The following PCNX2 variants were observed in gnomAD, a reference collection of about 807,000 sequenced individuals.
PCNX2 encodes pecanex 2.
Under a neutral mutation model 223.8 loss-of-function variants are expected in PCNX2, and 168 were observed. The ratio of observed to expected loss-of-function variants is 0.75; its 90% CI spans 0.66 to 0.85. The LOEUF (loss-of-function observed/expected upper bound fraction) is 0.85. Among genes scored for constraint, PCNX2 ranks in the 40% least tolerant of loss-of-function variants. PCNX2 has a pLI of 0.00. For synonymous variants in PCNX2, 1,006 were observed against 1,052.6 expected (o/e 0.96, Z 0.86); for missense variants, 2,507 against 2,675.5 (o/e 0.94, Z 1.39).
chr1:233,155,231 C>T (rs1678050281), intron 19 of PCNX2, among the ~76,000 whole-genome samples: 1 of 152,170 alleles, frequency 6.6e-6, no homozygotes, highest in African/African-American at 2.4e-5. Context: ...GCTGGGACTA[C>T]AGGCACATAC....
At chr1:233,176,884 G>A (rs928801263) in intron 17 of PCNX2, among the ~76,000 whole-genome samples, 1 of 152,104 alleles carries the variant, frequency 6.6e-6, no homozygotes, top group African/African-American at 2.4e-5. Context: ...GCATGGTGGC[G>A]GGCACCTGTA....
rs1660033547 is a variant in PCNX2 at position 233,261,441 on chromosome 1, TAC to T, written c.481-122_481-121del. Reference sequence around the variant, plus strand: ...TAAATGGCATGTAGGGGAGAGACAATACAGTGTTCACTCTCCTTAAGCTTCTA... The same window carrying T: ...TAAATGGCATGTAGGGGAGAGACAATAGTGTTCACTCTCCTTAAGCTTCTA... On this transcript the variant is annotated intron_variant, in intron 3 of 33. Coordinates refer to ENST00000258229, the MANE Select transcript of PCNX2 (RefSeq NM_014801.4). 2.4e-5 allele frequency: 21 copies of T among 864,394 alleles called. No individual in the cohort carries two copies. The East Asian group carries it at 5.1e-4, about 21-fold the overall frequency. The allele number at this position is 864,394 out of a possible 1,614,324, so 53.5% of individuals were successfully genotyped here.
At chr1:233,064,573 A>G (rs1198271510) in intron 23 of PCNX2, among the ~76,000 whole-genome samples, 1 of 152,134 alleles carries the variant, frequency 6.6e-6, no homozygotes, top group Admixed American at 6.5e-5. Context: ...CATAGATTTT[A>G]AAATGTCAGT....
chr1:233,235,809 C>T (rs1256306860), intron 9 of PCNX2, among the ~76,000 whole-genome samples: 3 of 151,658 alleles, frequency 2.0e-5, no homozygotes, highest in Non-Finnish European at 2.9e-5. Flanking sequence ...GCCATGTTGT[C>T]CAGGCTGGTC....
chr1:233,213,816 CTTTTTTTTTTTTTTTTTT>C (rs71173256), intron 12 of PCNX2, among the ~76,000 whole-genome samples: 47 of 65,232 alleles, frequency 7.2e-4, no homozygotes, highest in African/African-American at 2.8e-3. Context: ...CCAGTGCACT[CTTTTTTTTTTTTTTTTTT>C]TTTTTTTTTT....
chr1:233,257,632 A>G (rs562337297), intron 5 of PCNX2, among the ~76,000 whole-genome samples: 1 of 152,358 alleles, frequency 6.6e-6, no homozygotes, highest in South Asian at 2.1e-4. Flanking sequence ...CTCAGCAGGA[A>G]AAGTAGATTC....
intron 10 of PCNX2, among the ~76,000 whole-genome samples, chr1:233,221,387 A>T (rs1657371085): frequency 1.3e-5 from 2 of 152,172 alleles, no homozygotes; most frequent in Non-Finnish European, 2.9e-5. Context: ...TTTCAAAGAA[A>T]AAAAAAACCT....
Position 232,990,385 on chromosome 1 carries a change from T to C in PCNX2, c.5792-3845A>G, listed in dbSNP as rs939776140. Among the ~76,000 whole-genome samples, 1 of 152,200 alleles carries C rather than the reference T, an allele frequency of 6.6e-6. No homozygotes were observed. Among genetic ancestry groups the C allele is most frequent in the Admixed American group, 6.5e-5 (1 of 15,288 alleles). ...CAGTGCTAGAGAGCCTTCTGGATAG[T>C]TGAATCACATCTTGGAGGGATTCTG... is the stretch of plus-strand genomic sequence containing the variant. On this transcript the variant is annotated intron_variant, in intron 32 of 33. Coordinates refer to ENST00000258229, the MANE Select transcript of PCNX2 (RefSeq NM_014801.4). This position sits in a 1 kb window ranked among gnomAD's most constrained non-coding sequence, Gnocchi z 4.3.
At chr1:233,098,625 T>C (rs1193642138) in intron 21 of PCNX2, among the ~76,000 whole-genome samples, 1 of 152,164 alleles carries the variant, frequency 6.6e-6, no homozygotes, top group African/African-American at 2.4e-5. Flanking sequence ...AGAAGCCAGA[T>C]CTCCTGAATG....
the PCNX2 span, among the ~76,000 whole-genome samples, chr1:233,317,630 A>G: frequency 9.1e-4 from 139 of 152,238 alleles, no homozygotes; most frequent in African/African-American, 3.3e-3. Context: ...GGCACAGTGA[A>G]ATTGATCTTT....
rs1162228285 is a variant in PCNX2, at chr1:233,016,966, A to G, written c.4794T>C (p.Asn1598=). ...LQGITRASFC[N]VYLEWIQHCA... ...AGTGTTGAATCCATTCTAGATAAACATTGCAGAAGCTAGCTCGTGTGATCC... is the reference window on the plus strand; with the variant it reads ...AGTGTTGAATCCATTCTAGATAAACGTTGCAGAAGCTAGCTCGTGTGATCC... The change falls in exon 27 of 34, where the codon AAT becomes AAC. Residue 1598 remains asparagine (N), a synonymous_variant. Coordinates refer to ENST00000258229, the MANE Select transcript of PCNX2 (RefSeq NM_014801.4). The G allele has an allele frequency of 1.2e-6, 2 of 1,613,580 alleles. No individual in the cohort carries two copies. The highest frequency in any genetic ancestry group is 3.3e-5 in the Admixed American group (2 of 60,016).
rs1025606462 is a variant in PCNX2 at position 233,001,427 on chromosome 1, C to T, written c.5097+110G>A. The T allele has an allele frequency of 2.9e-5, 19 of 658,584 alleles. No individual in the cohort carries two copies. The highest frequency in any genetic ancestry group is 3.4e-5 in the Non-Finnish European group (17 of 502,946). 40.8% of individuals were successfully genotyped at this position (658,584 alleles called of 1,614,324 possible). A position where few individuals can be genotyped will look rare whatever the true frequency, so the allele number is the denominator to read the frequency against. On this transcript the variant is annotated intron_variant, in intron 29 of 33. Coordinates refer to ENST00000258229, the MANE Select transcript of PCNX2 (RefSeq NM_014801.4). This position sits in a 1 kb window ranked among gnomAD's most constrained non-coding sequence, Gnocchi z 4.2. ...CCGGGAGGTGGAGGTTGTGGTGAGCCGAGATTGTGCCATTGCACCCCAGCC... is the reference window on the plus strand; with the variant it reads ...CCGGGAGGTGGAGGTTGTGGTGAGCTGAGATTGTGCCATTGCACCCCAGCC...
rs367828258 is a variant in PCNX2, at chr1:233,001,205, T to G, written c.5097+332A>C. Among the ~76,000 whole-genome samples the G allele has an allele frequency of 2.1e-3, 323 of 152,244 alleles. 15 individuals carry two copies. The South Asian group carries it at 0.065, about 31-fold the overall frequency. On this transcript the variant is annotated intron_variant, in intron 29 of 33. Coordinates refer to ENST00000258229, the MANE Select transcript of PCNX2 (RefSeq NM_014801.4). The surrounding 1 kb of genome is among the most constrained non-coding windows in gnomAD (Gnocchi z 4.2). Reference sequence around the variant, plus strand: ...TTCTAAAAAAATAGGTTTGGCCAGGTGCAGTGGCTCACGCCTGTAATCCCA... The same window carrying G: ...TTCTAAAAAAATAGGTTTGGCCAGGGGCAGTGGCTCACGCCTGTAATCCCA...
chr1:232,985,817 A>G (rs1669453248), intron 33 of PCNX2: 2 of 600,332 alleles, frequency 3.3e-6, no homozygotes, highest in South Asian at 4.0e-5. Context: ...GCAGATGGCC[A>G]CAGTTCTGCA....
chr1:233,112,712 A>ACGCCGTC, intron 21 of PCNX2: 1 of 550,214 alleles, frequency 1.8e-6, no homozygotes, highest in Non-Finnish European at 2.2e-6. Flanking sequence ...TAGATCTTTG[A>ACGCCGTC]ACAATATAAC....
intron 1 of PCNX2, among the ~76,000 whole-genome samples, chr1:233,272,204 C>T (rs1200860705): frequency 6.6e-6 from 1 of 151,270 alleles, no homozygotes; most frequent in Admixed American, 6.6e-5. Context: ...AGTAAACAGA[C>T]AACCCACAGA....
the PCNX2 span, among the ~76,000 whole-genome samples, chr1:233,302,659 T>TATATATATAC: frequency 1.3e-5 from 2 of 151,080 alleles, no homozygotes; most frequent in Non-Finnish European, 3.0e-5. Context: ...TATATATATA[T>TATATATATAC]ACAGTTAAAT....
chr1:233,242,813 T>A (rs1265914009), intron 8 of PCNX2, among the ~76,000 whole-genome samples: 1 of 152,214 alleles, frequency 6.6e-6, no homozygotes, highest in Non-Finnish European at 1.5e-5. Flanking sequence ...AGATTAGCAA[T>A]TCCAACTTTC....
intron 32 of PCNX2, among the ~76,000 whole-genome samples, chr1:232,989,713 A>C (rs1441904003): frequency 1.3e-5 from 2 of 152,224 alleles, no homozygotes; most frequent in Non-Finnish European, 2.9e-5. Flanking sequence ...AAACCTGCAA[A>C]ACTGACCAGA....
Sources: gnomAD v4.1 joint callset for allele counts (sites outside exome capture counted in the v4.1 genomes callset) on GRCh38, gnomAD v4.1.1 for gene constraint, Gnocchi (gnomAD v3.1) non-coding constraint, MANE v1.5 for transcripts, NCBI Gene and HGNC (gene_info 2026-07-23, HGNC 2026-07-21) for gene names.